The following CSMD1 variants were observed in gnomAD, a reference collection of about 807,000 sequenced individuals.
CSMD1 encodes CUB and Sushi multiple domains 1, also known as CUB and sushi domain-containing protein 1.
A neutral mutation model predicts 417.5 loss-of-function variants in CSMD1; 213 were observed. The ratio of observed to expected loss-of-function variants is 0.51; its 90% CI spans 0.46 to 0.57. The LOEUF is 0.57. CSMD1 is among the 20% of genes least tolerant of loss of function. The pLI is 0.00. For synonymous variants in CSMD1, 2,862 were observed against 1,736.8 expected (o/e 1.65, Z -16.11); for missense variants, 6,923 against 4,529.7 (o/e 1.53, Z -15.17).
Position 4,207,477 on chromosome 8 carries a change from G to A in CSMD1, c.416-175378C>T, listed in dbSNP as rs146949618. Among the ~76,000 whole-genome samples, 710 of 152,088 alleles carry A rather than the reference G, an allele frequency of 4.7e-3. 3 individuals are homozygous for A. The highest frequency in any genetic ancestry group is 5.4e-3 in the Non-Finnish European group (368 of 67,940). ...ACCATATCTAAAATTTTAAATAGCC[G>A]ATTAAAATGTCTTATTCATTTAAAA... is the stretch of plus-strand genomic sequence containing the variant. On this transcript the variant is annotated intron_variant, in intron 3 of 69. Coordinates refer to ENST00000635120, the MANE Select transcript of CSMD1 (RefSeq NM_033225.6).
Position 4,238,700 on chromosome 8 carries a change from G to C in CSMD1, c.415+181253C>G, listed in dbSNP as rs543098957. On this transcript the variant is annotated intron_variant, in intron 3 of 69. Transcript: ENST00000635120. ...TATCCTTGGCCCTCAATACCTGTTA[G>C]CTGTTTGGGGCAGGTCAATATTATC... Among the ~76,000 whole-genome samples the C allele has an allele frequency of 5.3e-5, 8 of 152,278 alleles. No individual in the cohort carries two copies. In the East Asian group the frequency reaches 5.8e-4, roughly 11 times the overall value.
intron 8 of CSMD1, among the ~76,000 whole-genome samples, chr8:3,586,794 T>G (rs1800620942): frequency 6.6e-6 from 1 of 152,126 alleles, no homozygotes; most frequent in African/African-American, 2.4e-5. Context: ...TACTTTTCTT[T>G]TGTTTGTTTG....
At chr8:4,401,367 T>C (rs1444062389) in intron 3 of CSMD1, among the ~76,000 whole-genome samples, 1 of 152,200 alleles carries the variant, frequency 6.6e-6, no homozygotes, top group Non-Finnish European at 1.5e-5. Flanking sequence ...TTACATTTTA[T>C]TCACCAAAGA....
chr8:4,543,694 A>C (rs1185474160), intron 2 of CSMD1, among the ~76,000 whole-genome samples: 23 of 150,250 alleles, frequency 1.5e-4, no homozygotes, highest in African/African-American at 5.6e-4. Context: ...AAAAAAAAAA[A>C]AAAAAACCCA....
At chr8:3,159,265 C>T (rs546842357) in intron 38 of CSMD1, among the ~76,000 whole-genome samples, 3 of 152,200 alleles carry the variant, frequency 2.0e-5, no homozygotes, top group East Asian at 1.9e-4. Flanking sequence ...TTGTTATAAA[C>T]GTTTCCGATG....
At chr8:3,559,614 C>A (rs1799383352) in intron 10 of CSMD1, among the ~76,000 whole-genome samples, 1 of 152,140 alleles carries the variant, frequency 6.6e-6, no homozygotes, top group Admixed American at 6.5e-5. Context: ...CCCACAATTA[C>A]AATCACTGAT....
intron 10 of CSMD1, among the ~76,000 whole-genome samples, chr8:3,550,724 C>T (rs1439891026): frequency 1.3e-5 from 2 of 152,312 alleles, no homozygotes; most frequent in East Asian, 3.9e-4. Context: ...CCACTTTGCA[C>T]CTCCTTGAAA....
Position 3,087,257 on chromosome 8 carries a change from CA to C in CSMD1, c.7313del (p.Leu2438ArgfsTer7). On this transcript the variant is annotated frameshift_variant, in exon 49 of 70. Coordinates refer to ENST00000635120, the MANE Select transcript of CSMD1 (RefSeq NM_033225.6). LOFTEE classifies it high-confidence loss of function. ...TCCTGTTTAGAATACCCCCATTCTT[CA>C]GGGGGTGGGTCAAACTGCAGTAAGG... The part of the protein sequence containing the change: ...AAPYCSLTHP[L>X]KNGGILNRTA... 6.2e-7 allele frequency: 1 copy of C among 1,613,936 alleles called. No homozygotes were observed. Among genetic ancestry groups the C allele is most frequent in the Non-Finnish European group, 8.5e-7 (1 of 1,179,872 alleles).
intron 2 of CSMD1, among the ~76,000 whole-genome samples, chr8:4,575,405 G>T (rs1799090667): frequency 2.0e-5 from 3 of 152,132 alleles, no homozygotes; most frequent in Admixed American, 2.0e-4. Flanking sequence ...TAAGTCCTGG[G>T]TTGTAGAACC....
At chr8:4,654,752 C>G (rs1202347183) in intron 1 of CSMD1, among the ~76,000 whole-genome samples, 2 of 152,034 alleles carry the variant, frequency 1.3e-5, no homozygotes, top group African/African-American at 4.8e-5. Flanking sequence ...GAGAAGAAAA[C>G]TTTATTTTTT....
At chr8:4,113,132 G>T (rs998825703) in intron 3 of CSMD1, among the ~76,000 whole-genome samples, 1 of 152,060 alleles carries the variant, frequency 6.6e-6, no homozygotes. Context: ...CCACTCATCA[G>T]CTGTTCTTTA....
chr8:3,621,750 T>TTTATTATTATTATTATTTTA (rs1344219876), intron 7 of CSMD1, among the ~76,000 whole-genome samples: 1 of 151,080 alleles, frequency 6.6e-6, no homozygotes, highest in African/African-American at 2.4e-5. Flanking sequence ...CAGCTAATGT[T>TTTATTATTATTATTATTTTA]TTATTATTAT....
chr8:4,545,603 G>A (rs191481933), intron 2 of CSMD1, among the ~76,000 whole-genome samples: 2 of 152,148 alleles, frequency 1.3e-5, no homozygotes, highest in African/African-American at 4.8e-5. Context: ...CAGAAGCCCT[G>A]GCTAGAGAAA....
At chr8:3,901,776 G>T (rs1171317230) in intron 5 of CSMD1, among the ~76,000 whole-genome samples, 1 of 152,118 alleles carries the variant, frequency 6.6e-6, no homozygotes, top group African/African-American at 2.4e-5. Context: ...ATAATTTCTG[G>T]CGTCAAAGTG....
At chr8:3,818,233 C>A (rs757836331) in intron 5 of CSMD1, among the ~76,000 whole-genome samples, 4 of 152,066 alleles carry the variant, frequency 2.6e-5, no homozygotes, top group Non-Finnish European at 5.9e-5. Context: ...CCCCAAGATG[C>A]AGCCCCTGGG....
chr8:4,387,632 A>T (rs1327056455), intron 3 of CSMD1, among the ~76,000 whole-genome samples: 1 of 149,938 alleles, frequency 6.7e-6, no homozygotes, highest in East Asian at 2.0e-4. Context: ...ATTTAATATG[A>T]AACCATTTAC....
intron 2 of CSMD1, among the ~76,000 whole-genome samples, chr8:4,565,146 C>A (rs1437910604): frequency 6.6e-6 from 1 of 152,198 alleles, no homozygotes; most frequent in Non-Finnish European, 1.5e-5. Context: ...TATCACTCAG[C>A]CTCAGACTGA....
chr8:3,820,256 G>A (rs1801653846), intron 5 of CSMD1, among the ~76,000 whole-genome samples: 1 of 152,110 alleles, frequency 6.6e-6, no homozygotes, highest in East Asian at 1.9e-4. Context: ...AGACCATGTG[G>A]CAAATGGGAA....
At chr8:3,573,922 A>AT (rs1196774248) in intron 10 of CSMD1, among the ~76,000 whole-genome samples, 2 of 152,072 alleles carry the variant, frequency 1.3e-5, no homozygotes, top group East Asian at 3.9e-4. Context: ...TGTCTACCTT[A>AT]TTTTTTCTTC....
Sources: allele counts gnomAD v4.1 joint callset (sites outside exome capture counted in the v4.1 genomes callset), GRCh38; gene constraint gnomAD v4.1.1; transcripts MANE v1.5; gene names NCBI Gene and HGNC (gene_info 2026-07-23, HGNC 2026-07-21).